XKR6: variants seen among roughly 807,000 people sequenced by gnomAD.
The protein encoded by XKR6 is XK related 6.
A neutral mutation model predicts 56.7 loss-of-function variants in XKR6; 22 were observed. The observed-to-expected ratio is 0.39, with a 90% confidence interval of 0.28 to 0.55. The LOEUF is 0.55. Ranked by LOEUF, XKR6 falls within the 20% of genes least tolerant of loss-of-function variation. XKR6 has a pLI of 0.66. For synonymous variants in XKR6, 524 were observed against 387.8 expected, an observed-to-expected ratio of 1.35 and a Z score of -4.13; for missense variants, 852 against 889.0, an observed-to-expected ratio of 0.96 and a Z score of 0.53.
chr8:10,904,324 G>C (rs1226591386), intron 2 of XKR6, among the ~76,000 whole-genome samples: 1 of 152,174 alleles, frequency 6.6e-6, no homozygotes, highest in South Asian at 2.1e-4. Flanking sequence ...GAAAGGCTTG[G>C]AGAAAGGGCC....
At chr8:11,130,960 A>C (rs1209458617) in intron 1 of XKR6, among the ~76,000 whole-genome samples, 1 of 152,134 alleles carries the variant, frequency 6.6e-6, no homozygotes, top group Non-Finnish European at 1.5e-5. Context: ...TGAGCAGAAG[A>C]CCAAGAAATG....
intron 1 of XKR6, among the ~76,000 whole-genome samples, chr8:10,938,911 G>A (rs1041681726): frequency 2.0e-5 from 3 of 152,094 alleles, no homozygotes; most frequent in East Asian, 1.9e-4. Flanking sequence ...TAAAGAAAAA[G>A]AATACAAAAT....
At chr8:10,942,434 C>T (rs977735337) in intron 1 of XKR6, among the ~76,000 whole-genome samples, 1 of 152,222 alleles carries the variant, frequency 6.6e-6, no homozygotes, top group African/African-American at 2.4e-5. Flanking sequence ...TGGGCGAGGT[C>T]TCTTGCCTGT....
intron 1 of XKR6, among the ~76,000 whole-genome samples, chr8:11,139,514 A>G (rs2116927917): frequency 6.6e-6 from 1 of 152,252 alleles, no homozygotes; most frequent in South Asian, 2.1e-4. Flanking sequence ...GCCACTCCAC[A>G]GAGACAGGGA....
chr8:11,111,560 G>C (rs754490274), intron 1 of XKR6: 17 of 151,984 alleles, frequency 1.1e-4, no homozygotes, highest in Non-Finnish European at 2.2e-4. Context: ...TACACTGCAA[G>C]CAGACAGAAA....
intron 1 of XKR6, among the ~76,000 whole-genome samples, chr8:10,948,595 C>T (rs904251013): frequency 6.6e-5 from 10 of 152,180 alleles, no homozygotes; most frequent in Admixed American, 3.3e-4. Context: ...AGCTACCCTA[C>T]AGGACATGGT....
intron 2 of XKR6, among the ~76,000 whole-genome samples, chr8:10,902,048 C>T (rs907019884): frequency 3.3e-5 from 5 of 152,200 alleles, no homozygotes; most frequent in African/African-American, 4.8e-5. Context: ...GTGTTCTGTT[C>T]CTGCAACTCC....
At chr8:10,941,729 T>G (rs750541804) in intron 1 of XKR6, among the ~76,000 whole-genome samples, 2 of 152,116 alleles carry the variant, frequency 1.3e-5, no homozygotes, top group Non-Finnish European at 2.9e-5. Flanking sequence ...GGGTGCTGAG[T>G]GCTGTGGAGG....
intron 1 of XKR6, among the ~76,000 whole-genome samples, chr8:11,033,871 G>C (rs1330475737): frequency 1.3e-5 from 2 of 152,140 alleles, no homozygotes; most frequent in Non-Finnish European, 2.9e-5. Context: ...ACTAGACATG[G>C]AGAGCCACCC....
At chr8:10,905,406 C>T (rs1392151466) in intron 2 of XKR6, among the ~76,000 whole-genome samples, 1 of 152,198 alleles carries the variant, frequency 6.6e-6, no homozygotes, top group African/African-American at 2.4e-5. Flanking sequence ...CCTGCCATTT[C>T]TTGAGCTCTT....
At chr8:11,050,376 G>GCA (rs34833442) in intron 1 of XKR6, among the ~76,000 whole-genome samples, 1 of 151,732 alleles carries the variant, frequency 6.6e-6, no homozygotes, top group Non-Finnish European at 1.5e-5. Context: ...CCTCATCAGT[G>GCA]TAAAATAAGG....
intron 1 of XKR6, among the ~76,000 whole-genome samples, chr8:10,996,321 C>T (rs1386475951): frequency 6.6e-6 from 1 of 152,126 alleles, no homozygotes; most frequent in East Asian, 1.9e-4. Context: ...GGGCCCTCTC[C>T]TCCTTGTTCA....
At chr8:10,960,240 A>G (rs1408582677) in intron 1 of XKR6, among the ~76,000 whole-genome samples, 2 of 151,532 alleles carry the variant, frequency 1.3e-5, no homozygotes, top group South Asian at 2.1e-4. Context: ...GTACAGGTAT[A>G]GCAGGTAGGT....
chr8:10,997,850 C>T (rs1798149559), intron 1 of XKR6, among the ~76,000 whole-genome samples: 1 of 152,200 alleles, frequency 6.6e-6, no homozygotes, highest in African/African-American at 2.4e-5. Flanking sequence ...ACTAGAATGT[C>T]AGGCACAACC....
At chr8:11,176,283 G>A (rs777726500) in intron 1 of XKR6, among the ~76,000 whole-genome samples, 14 of 152,168 alleles carry the variant, frequency 9.2e-5, no homozygotes, top group African/African-American at 1.7e-4. Flanking sequence ...TCTAAGATGA[G>A]TAAAATGGTT....
intron 1 of XKR6, among the ~76,000 whole-genome samples, chr8:11,174,444 G>C (rs747010076): frequency 2.6e-5 from 4 of 152,186 alleles, no homozygotes; most frequent in Non-Finnish European, 4.4e-5. Flanking sequence ...ATCTTTACGA[G>C]CCGAGCACCG....
chr8:10,959,284 G>A (rs1436904296), intron 1 of XKR6, among the ~76,000 whole-genome samples: 1 of 152,104 alleles, frequency 6.6e-6, no homozygotes. Flanking sequence ...TTGCCATGTA[G>A]AAAGGGACAC....
chr8:10,901,876 C>T (rs1399249659), intron 2 of XKR6, among the ~76,000 whole-genome samples: 1 of 152,144 alleles, frequency 6.6e-6, no homozygotes, highest in African/African-American at 2.4e-5. Flanking sequence ...TTGTTGTTCT[C>T]TGTGCTGTGA....
intron 1 of XKR6, among the ~76,000 whole-genome samples, chr8:11,014,337 G>A (rs1173617825): frequency 6.6e-6 from 1 of 152,150 alleles, no homozygotes; most frequent in East Asian, 1.9e-4. Context: ...TTCAAAAGCA[G>A]GCACAGGACC....
Sources: gnomAD v4.1 joint callset for allele counts (sites outside exome capture counted in the v4.1 genomes callset) on GRCh38, gnomAD v4.1.1 for gene constraint, MANE v1.5 for transcripts, NCBI Gene and HGNC (gene_info 2026-07-23, HGNC 2026-07-21) for gene names.